The following ERCC6L variants were observed in gnomAD, a reference collection of about 807,000 sequenced individuals.
The protein encoded by ERCC6L is DNA excision repair protein ERCC-6-like.
A neutral mutation model predicts 20.1 loss-of-function variants in ERCC6L; 7 were observed. The observed-to-expected ratio is 0.35, with a 90% confidence interval of 0.20 to 0.65. The LOEUF is 0.65. Ranked by LOEUF, ERCC6L falls within the 30% of genes least tolerant of loss-of-function variation. The pLI is 0.69. For synonymous variants in ERCC6L, 278 were observed against 331.3 expected, an observed-to-expected ratio of 0.84 and a Z score of 1.75; for missense variants, 592 against 892.4, an observed-to-expected ratio of 0.66 and a Z score of 4.29.
chrX:72,231,253 G>C (rs1264753860), intron 1 of ERCC6L, among the ~76,000 whole-genome samples: 1 of 112,072 alleles, frequency 8.9e-6, no homozygotes, highest in African/African-American at 3.2e-5. Flanking sequence ...TTAAAAGGCA[G>C]GAAATTCTGA....
intron 1 of ERCC6L, among the ~76,000 whole-genome samples, chrX:72,213,102 C>G (rs1410650940): frequency 8.9e-6 from 1 of 112,347 alleles, no homozygotes; most frequent in African/African-American, 3.2e-5. Context: ...GAGCCTAGAC[C>G]TGCTAATCTC....
chrX:72,207,029 C>A lies in ERCC6L; in HGVS notation c.1738G>T (p.Val580Leu). Residue 580 changes from valine to leucine, a missense_variant, in exon 2 of 2, where the codon GTG (valine) becomes TTG (leucine). Val to Leu is a conservative substitution (Grantham distance 32). This residue lies in a region of ERCC6L where 196 missense variants were observed against 440.1 expected (regional missense o/e 0.45). Coordinates refer to ENST00000334463, the MANE Select transcript of ERCC6L (RefSeq NM_017669.4). The part of the protein sequence containing the change: ...VYRIGQKENV[V>L]VYRLITCGTV... ...CCACAAGTGATTAGCCTATAAACCA[C>A]AACATTCTCTTTTTGTCCAATTCGG... 1 of 1,211,776 alleles carries A rather than the reference C, an allele frequency of 8.3e-7. No homozygotes were observed. Among genetic ancestry groups the A allele is most frequent in the Non-Finnish European group, 1.1e-6 (1 of 895,494 alleles).
In ERCC6L at chrX:72,214,070, T is replaced by C. The variant is rs1028291499; in HGVS notation, c.69-5372A>G. ...CAAAATCAATAAAACATAAAACATT[T>C]GGATAACATAAAAATTGCAGGTGAC... On this transcript the variant is annotated intron_variant, in intron 1 of 1. Coordinates refer to ENST00000334463, the MANE Select transcript of ERCC6L (RefSeq NM_017669.4). Among the ~76,000 whole-genome samples, 4 of 112,077 alleles carry C rather than the reference T, an allele frequency of 3.6e-5. No individual in the cohort carries two copies. In the Admixed American group the frequency reaches 3.8e-4, roughly 11 times the overall value.
intron 1 of ERCC6L, among the ~76,000 whole-genome samples, chrX:72,222,418 C>T: frequency 9.0e-6 from 1 of 111,240 alleles, no homozygotes; most frequent in South Asian, 3.8e-4. Flanking sequence ...ATCCAGTGGC[C>T]AATGATGCAG....
intron 1 of ERCC6L, among the ~76,000 whole-genome samples, chrX:72,210,820 T>C (rs1423327802): frequency 8.9e-6 from 1 of 111,986 alleles, no homozygotes; most frequent in Admixed American, 9.5e-5. Context: ...CACTGCTTTC[T>C]GGCTGGGTTA....
intron 1 of ERCC6L, among the ~76,000 whole-genome samples, chrX:72,209,503 G>A (rs762093455): frequency 2.7e-5 from 3 of 111,835 alleles, no homozygotes; most frequent in Admixed American, 1.9e-4. Context: ...GAGAATCCTT[G>A]ACCCCAACCT....
intron 1 of ERCC6L, among the ~76,000 whole-genome samples, chrX:72,230,299 C>G (rs1375695587): frequency 1.8e-5 from 2 of 111,267 alleles, no homozygotes; most frequent in East Asian, 2.8e-4. Context: ...AGATAACCCC[C>G]CTCTGGCCAG....
intron 1 of ERCC6L, among the ~76,000 whole-genome samples, chrX:72,232,349 C>T (rs1602452107): frequency 1.1e-5 from 1 of 92,545 alleles, no homozygotes; most frequent in Non-Finnish European, 2.1e-5. Flanking sequence ...TTTGGGAGGC[C>T]AAGGCAGGTG....
chrX:72,233,131 T>C (rs1461130945), intron 1 of ERCC6L, among the ~76,000 whole-genome samples: 1 of 111,373 alleles, frequency 9.0e-6, no homozygotes, highest in Non-Finnish European at 1.9e-5. Flanking sequence ...TTCAATAGCA[T>C]TATTGAAAGT....
rs769062677 is a variant in ERCC6L, at chrX:72,223,340, T to TAA, written c.69-14644_69-14643dup. ...GGGCAAAAAGAGTGAAACTCTGTCT[T>TAA]AAAAAAAAAAAAAAAATTAGAGGAA... On this transcript the variant is annotated intron_variant, in intron 1 of 1. Coordinates refer to ENST00000334463, the MANE Select transcript of ERCC6L (RefSeq NM_017669.4). Among the ~76,000 whole-genome samples, 41 of 82,760 alleles carry TAA rather than the reference T, an allele frequency of 5.0e-4. No individual in the cohort carries two copies. In the East Asian group the frequency reaches 8.0e-3, roughly 16 times the overall value. The allele number at this position is 82,760 out of a possible 115,157, so 71.9% of individuals were successfully genotyped here.
chrX:72,238,983 C>T lies in ERCC6L; in HGVS notation c.-72G>A. 1.9e-6 allele frequency: 2 copies of T among 1,026,559 alleles called. No individual in the cohort carries two copies. The highest frequency in any genetic ancestry group is 2.6e-5 in the Admixed American group (1 of 38,564). 84.6% of individuals were successfully genotyped at this position (1,026,559 alleles called of 1,213,427 possible). Reference sequence around the variant, plus strand: ...GGAGCTTGGAGCTTGGAGCTTGGAGCTTAGAGTTTGGAGCTTGAATTTCGC... The same window carrying T: ...GGAGCTTGGAGCTTGGAGCTTGGAGTTTAGAGTTTGGAGCTTGAATTTCGC... On this transcript the variant is annotated 5_prime_UTR_variant, in exon 1 of 2. Transcript: ENST00000334463.
chrX:72,205,548 C>G lies in ERCC6L; in HGVS notation c.3219G>C (p.Arg1073Ser). Residue 1073 changes from arginine to serine, a missense_variant, in exon 2 of 2, where the codon AGG becomes AGC. This residue lies in a region of ERCC6L where 352 missense variants were observed against 402.6 expected (regional missense o/e 0.87). Transcript: ENST00000334463. Reference protein sequence around the residue: ...TPKNDISPPGRFFSSQIPSSV... With the variant: ...TPKNDISPPGSFFSSQIPSSV... Reference sequence around the variant, plus strand: ...TACTGGGTATTTGAGATGAAAAGAACCTTCCTGGTGGACTGATGTCATTTT... The same window carrying G: ...TACTGGGTATTTGAGATGAAAAGAAGCTTCCTGGTGGACTGATGTCATTTT... The G allele has an allele frequency of 8.3e-7, 1 of 1,211,006 alleles. No homozygotes were observed.
rs752818859 is a variant in ERCC6L at position 72,206,751 on chromosome X, T to G, written c.2016A>C (p.Ser672=). 2 of 1,209,401 alleles carry G rather than the reference T, an allele frequency of 1.7e-6. No individual in the cohort carries two copies. The highest frequency in any genetic ancestry group is 2.2e-6 in the Non-Finnish European group (2 of 895,116). ...YLQSLGIAGI[S]DHDLMYTCDL... The stretch of plus-strand genomic sequence containing the variant: ...CACATGTGTACATCAAATCATGGTC[T>G]GAGATTCCAGCTATCCCCAAAGACT... Residue 672 remains serine (S), a synonymous_variant, in exon 2 of 2, where the codon TCA becomes TCC. Coordinates refer to ENST00000334463, the MANE Select transcript of ERCC6L (RefSeq NM_017669.4).
At chrX:72,220,452 A>G (rs934294387) in intron 1 of ERCC6L, among the ~76,000 whole-genome samples, 3 of 111,442 alleles carry the variant, frequency 2.7e-5, no homozygotes, top group African/African-American at 6.5e-5. Context: ...ATAAAAAACC[A>G]CCTAAATCTA....
chrX:72,211,844 A>G (rs1354045613), intron 1 of ERCC6L, among the ~76,000 whole-genome samples: 1 of 111,958 alleles, frequency 8.9e-6, no homozygotes, highest in Non-Finnish European at 1.9e-5. Flanking sequence ...TGATACAACA[A>G]TTAAACTTGG....
At position 72,206,047 on chromosome X, in the gene ERCC6L, T is replaced by A. The variant is rs2042817366; in HGVS notation, c.2720A>T (p.Asn907Ile). The change falls in exon 2 of 2, where the codon AAT becomes ATT. Residue 907 changes from asparagine (N) to isoleucine (I), a missense_variant. Physicochemically the swap from Asn to Ile is moderately radical, Grantham distance 149. Coordinates refer to ENST00000334463, the MANE Select transcript of ERCC6L (RefSeq NM_017669.4). ...PIISITNESQ[N>I]AESNVSIIEI... ...AATAATGGATACATTTGATTCTGCA[T>A]TTTGACTTTCATTTGTTATGGAAAT... 2 of 1,211,589 alleles carry A rather than the reference T, an allele frequency of 1.7e-6. No homozygotes were observed. The highest frequency in any genetic ancestry group is 3.5e-5 in the South Asian group (2 of 56,969).
chrX:72,232,273 TAAAAAAA>T (rs56070381), intron 1 of ERCC6L, among the ~76,000 whole-genome samples: 1 of 61,423 alleles, frequency 1.6e-5, no homozygotes, highest in Non-Finnish European at 2.8e-5. Context: ...GAAGGAGTAT[TAAAAAAA>T]AAAAAAAAAA....
At position 72,207,599 on chromosome X, in the gene ERCC6L, T is replaced by C; in HGVS notation, c.1168A>G (p.Ile390Val). The change falls in exon 2 of 2, where the codon ATC becomes GTC. Residue 390 changes from isoleucine to valine, a missense_variant. This residue lies in a region of ERCC6L where 196 missense variants were observed against 440.1 expected (regional missense o/e 0.45). Coordinates refer to ENST00000334463, the MANE Select transcript of ERCC6L (RefSeq NM_017669.4). ...IYRKFVSLDH[I>V]KELLMETRSP... ...CGCGTCTCCATTAGCAACTCCTTGA[T>C]ATGATCTAAAGACACAAATTTCCTG... 8.3e-7 allele frequency: 1 copy of C among 1,211,613 alleles called. No homozygotes were observed. Among genetic ancestry groups the C allele is most frequent in the Non-Finnish European group, 1.1e-6 (1 of 895,427 alleles).
chrX:72,233,674 A>C (rs1473266975), intron 1 of ERCC6L, among the ~76,000 whole-genome samples: 2 of 103,181 alleles, frequency 1.9e-5, no homozygotes, highest in Non-Finnish European at 3.8e-5. Context: ...GTGAGCCGAG[A>C]TTGCGCCACC....
Sources: gnomAD v4.1 joint callset for allele counts (sites outside exome capture counted in the v4.1 genomes callset) on GRCh38, gnomAD v4.1.1 for gene constraint, gnomAD v4.1.1 regional missense constraint, MANE v1.5 for transcripts, NCBI Gene and HGNC (gene_info 2026-07-23, HGNC 2026-07-21) for gene names.